Variants in ARID5A observed in about 807,000 individuals in gnomAD.
The protein encoded by ARID5A is AT-rich interaction domain 5A.
Under a neutral mutation model 30.5 loss-of-function variants are expected in ARID5A, and 14 were observed. That is an observed-to-expected ratio of 0.46 (90% CI 0.30 to 0.72). ARID5A has a LOEUF of 0.72. Ranked by LOEUF, ARID5A falls within the 30% of genes least tolerant of loss-of-function variation. The pLI, the probability that ARID5A is intolerant of heterozygous loss-of-function variation, is 0.07. For missense variants in ARID5A, 669 were observed against 786.2 expected (o/e 0.85, Z 1.78); for synonymous variants, 338 against 340.4 (o/e 0.99, Z 0.08).
At chr2:96,551,013 G>C in intron 6 of ARID5A, 86 bp from the exon 7 acceptor site, 1 of 1,452,258 alleles carries the variant, frequency 6.9e-7, no homozygotes, top group East Asian at 2.3e-5. Context: ...GGGGGACCTG[G>C]GCAGGCCTGA....
Position 96,549,507 on chromosome 2 carries a change from C to T in ARID5A, c.259+48C>T, listed in dbSNP as rs770746455. 1.1e-5 allele frequency: 18 copies of T among 1,594,824 alleles called. No individual in the cohort carries two copies. The highest frequency in any genetic ancestry group is 1.8e-4 in the Middle Eastern group (1 of 5,424). On this transcript the variant is annotated intron_variant, in intron 3 of 6. Coordinates refer to ENST00000357485, the MANE Select transcript of ARID5A (RefSeq NM_212481.3). The surrounding 1 kb of genome is among the most constrained non-coding windows in gnomAD (Gnocchi z 6.1). ...GGGAGGGGGGCCCAGCAGGGGACCC[C>T]GCCCAGGCAGGGCATCGGGCAGGCA...
At position 96,550,375 on chromosome 2, in the gene ARID5A, G is replaced by C. The variant is rs894464686; in HGVS notation, c.410+90G>C. ...GGGAGGGCCGGGTGGACTCTGCCCG[G>C]AGCGGGCAGGGTATGCGCCGTCCTC... On this transcript the variant is annotated intron_variant, in intron 5 of 6. Coordinates refer to ENST00000357485, the MANE Select transcript of ARID5A (RefSeq NM_212481.3). This position sits in a 1 kb window ranked among gnomAD's most constrained non-coding sequence, Gnocchi z 6.6. The C allele has an allele frequency of 7.0e-6, 10 of 1,427,418 alleles. No homozygotes were observed. The South Asian group carries it at 1.1e-4, about 15-fold the overall frequency. 88.4% of individuals were successfully genotyped at this position (1,427,418 alleles called of 1,614,324 possible).
chr2:96,550,430 G>A lies in ARID5A; in HGVS notation c.411-144G>A, dbSNP rs113371580. ...CTGCGGGAGCCCAGGCTGGCTGGGC[G>A]CACTCACTGAGGGAGCTGAAGCTTT... On this transcript the variant is annotated intron_variant, in intron 5 of 6. Coordinates refer to ENST00000357485, the MANE Select transcript of ARID5A (RefSeq NM_212481.3). This position sits in a 1 kb window ranked among gnomAD's most constrained non-coding sequence, Gnocchi z 6.6. 52 of 1,417,092 alleles carry A rather than the reference G, an allele frequency of 3.7e-5. No homozygotes were observed. Among genetic ancestry groups the A allele is most frequent in the Non-Finnish European group, 4.7e-5 (51 of 1,082,292 alleles). The allele number at this position is 1,417,092 out of a possible 1,614,324, so 87.8% of individuals were successfully genotyped here.
At chr2:96,536,928 C>A in intron 1 of ARID5A, 98 bp downstream of exon 1, 2 of 1,211,192 alleles carry the variant, frequency 1.7e-6, no homozygotes, top group South Asian at 8.4e-5. Context: ...TCGTGGCAGT[C>A]GGTGCGCTGT....
chr2:96,543,647 A>G (rs2065881263), intron 1 of ARID5A, among the ~76,000 whole-genome samples: 1 of 152,040 alleles, frequency 6.6e-6, no homozygotes, highest in African/African-American at 2.4e-5. Flanking sequence ...CACCTGCTCC[A>G]TCGACCAGCA....
At position 96,552,282 on chromosome 2, in the gene ARID5A, C is replaced by T. The variant is rs774003094; in HGVS notation, c.1754C>T (p.Pro585Leu). ...CCACCAGTCACAACCTATGCAGCGC[C>T]CCACTTCTTCCACCTCAACACCAAG... ...HAPPVTTYAA[P>L]HFFHLNTKL is the part of the protein sequence containing the mutation. The change falls in exon 7 of 7, where the codon CCC becomes CTC. Residue 585 changes from proline (P) to leucine (L), a missense_variant. By Grantham distance (98) the Pro-to-Leu change is moderately conservative (BLOSUM62 -3). Transcript: ENST00000357485. 8.7e-6 allele frequency: 14 copies of T among 1,613,030 alleles called. No homozygotes were observed. The highest frequency in any genetic ancestry group is 1.3e-5 in the African/African-American group (1 of 74,944).
At chr2:96,548,336 G>A (rs1360934620) in intron 2 of ARID5A, among the ~76,000 whole-genome samples, 1 of 152,064 alleles carries the variant, frequency 6.6e-6, no homozygotes, top group African/African-American at 2.4e-5. Flanking sequence ...CACAATCTTG[G>A]CTCACTGCAA....
chr2:96,546,990 C>T (rs2065939696), intron 1 of ARID5A, among the ~76,000 whole-genome samples: 1 of 152,020 alleles, frequency 6.6e-6, no homozygotes, highest in African/African-American at 2.4e-5. Context: ...GGTGGTTTTG[C>T]GTTTCCTTCA....
At chr2:96,546,813 A>C (rs1450778146) in intron 1 of ARID5A, among the ~76,000 whole-genome samples, 1 of 151,450 alleles carries the variant, frequency 6.6e-6, no homozygotes, top group East Asian at 1.9e-4. Flanking sequence ...AGGAACTACT[A>C]CCCAGGGACC....
At chr2:96,543,693 C>T (rs1167629846) in intron 1 of ARID5A, among the ~76,000 whole-genome samples, 1 of 152,114 alleles carries the variant, frequency 6.6e-6, no homozygotes, top group Admixed American at 6.5e-5. Flanking sequence ...TCTTCTTTGG[C>T]CTCCCTGTTG....
rs2066074454 is a variant in ARID5A, at chr2:96,552,469, G to A, written c.*156G>A. 6 of 1,540,310 alleles carry A rather than the reference G, an allele frequency of 3.9e-6. No homozygotes were observed. Among genetic ancestry groups the A allele is most frequent in the Non-Finnish European group, 5.2e-6 (6 of 1,147,244 alleles). ...GGCACAAGTGAAGAAGAAGGCAGTG[G>A]GAAAACTGGGTTTATCTCAAGGCAG... On this transcript the variant is annotated 3_prime_UTR_variant, in exon 7 of 7. Transcript: ENST00000357485.
chr2:96,547,369 C>T, intron 1 of ARID5A, 33 bp from the exon 2 acceptor site: 2 of 1,588,610 alleles, frequency 1.3e-6, no homozygotes, highest in East Asian at 2.2e-5. Context: ...CTCCCCACCC[C>T]TTCCTCCTTA....
Position 96,551,745 on chromosome 2 carries a change from A to G in ARID5A, c.1217A>G (p.Lys406Arg). ...GCGTTCCATAAAGGTGGCTCCAGAA[A>G]GGGCATCCTCTACCCCAAGCCCAAA... ...PSAFHKGGSR[K>R]GILYPKPKAC... The change falls in exon 7 of 7, where the codon AAG (lysine) becomes AGG (arginine). Residue 406 changes from lysine to arginine, a missense_variant. Physicochemically the swap from Lys to Arg is conservative, Grantham distance 26 (BLOSUM62 2). Transcript: ENST00000357485. 1 of 1,520,004 alleles carries G rather than the reference A, an allele frequency of 6.6e-7. No homozygotes were observed. The highest frequency in any genetic ancestry group is 1.3e-5 in the South Asian group (1 of 75,862). 94.2% of individuals were successfully genotyped at this position (1,520,004 alleles called of 1,614,324 possible). A position where few individuals can be genotyped will look rare whatever the true frequency, so the allele number is the denominator to read the frequency against.
rs552581590 is a variant in ARID5A at position 96,537,144 on chromosome 2, T to G, written c.4+314T>G. Among the ~76,000 whole-genome samples, 6 of 152,300 alleles carry G rather than the reference T, an allele frequency of 3.9e-5. No homozygotes were observed. The East Asian group carries it at 1.2e-3, about 29-fold the overall frequency. ...GAAACTCTTTTCGCCGTCTCTTGCC[T>G]GAAATATGCCGAGCCCGGTACGGCT... On this transcript the variant is annotated intron_variant, in intron 1 of 6. Transcript: ENST00000357485. This position sits in a 1 kb window ranked among gnomAD's most constrained non-coding sequence, Gnocchi z 4.8.
intron 1 of ARID5A, among the ~76,000 whole-genome samples, chr2:96,546,422 C>T (rs757686258): frequency 5.3e-4 from 81 of 152,242 alleles, no homozygotes; most frequent in Non-Finnish European, 9.4e-4. Flanking sequence ...AGAGGTGTTG[C>T]GTTTTTGCAA....
At chr2:96,545,274 A>G (rs2065909657) in intron 1 of ARID5A, among the ~76,000 whole-genome samples, 1 of 149,448 alleles carries the variant, frequency 6.7e-6, no homozygotes, top group Non-Finnish European at 1.5e-5. Context: ...CTCCTGCCTC[A>G]GCCTCCTGAG....
Position 96,549,749 on chromosome 2 carries a change from C to T in ARID5A, c.260-4C>T, listed in dbSNP as rs767870052. ...GACGGCCAGCCTGCTCTTCTCTCCC[C>T]CAGTTAACCTGTGGAAGATCTACAA... On this transcript the variant is annotated splice_region_variant and splice_polypyrimidine_tract_variant and intron_variant, in intron 3 of 6. Coordinates refer to ENST00000357485, the MANE Select transcript of ARID5A (RefSeq NM_212481.3). The surrounding 1 kb of genome is among the most constrained non-coding windows in gnomAD (Gnocchi z 6.1). 5 of 1,613,938 alleles carry T rather than the reference C, an allele frequency of 3.1e-6. No individual in the cohort carries two copies. The African/African-American group carries it at 4.0e-5, about 13-fold the overall frequency.
chr2:96,550,671 A>G lies in ARID5A; in HGVS notation c.508A>G (p.Arg170Gly). Reference sequence around the variant, plus strand: ...ACAGTACAAGATGGCTAAGGAGAACAGGGGGGATGATGGGGCCACCGAGAG... The same window carrying G: ...ACAGTACAAGATGGCTAAGGAGAACGGGGGGGATGATGGGGCCACCGAGAG... ...RKQYKMAKEN[R>G]GDDGATERPK... is the part of the protein sequence containing the mutation. Residue 170 changes from arginine to glycine, a missense_variant, in exon 6 of 7, where the codon AGG becomes GGG. This residue lies in a region of ARID5A where 548 missense variants were observed against 577.4 expected (regional missense o/e 0.95). Transcript: ENST00000357485. The surrounding 1 kb of genome is among the most constrained non-coding windows in gnomAD (Gnocchi z 6.6). 2 of 1,597,944 alleles carry G rather than the reference A, an allele frequency of 1.3e-6. No individual in the cohort carries two copies. The highest frequency in any genetic ancestry group is 1.7e-6 in the Non-Finnish European group (2 of 1,173,380).
In ARID5A at chr2:96,551,534, G is replaced by T; in HGVS notation, c.1006G>T (p.Ala336Ser). The T allele has an allele frequency of 6.2e-7, 1 of 1,604,590 alleles. No homozygotes were observed. Among genetic ancestry groups the T allele is most frequent in the South Asian group, 1.1e-5 (1 of 89,850 alleles). The change falls in exon 7 of 7, where the codon GCA (alanine) becomes TCA (serine). Residue 336 changes from alanine to serine, a missense_variant. Physicochemically the swap from Ala to Ser is moderately conservative, Grantham distance 99. This residue lies in a region of ARID5A where 548 missense variants were observed against 577.4 expected (regional missense o/e 0.95). Transcript: ENST00000357485. ...REEAQAGPCP[A>S]APIFKGCFYT... The stretch of plus-strand genomic sequence containing the variant: ...GGAGGCGCAGGCAGGCCCCTGCCCG[G>T]CAGCCCCCATCTTCAAGGGCTGCTT...
Sources: allele counts gnomAD v4.1 joint callset (sites outside exome capture counted in the v4.1 genomes callset), GRCh38; gene constraint gnomAD v4.1.1; regional missense constraint gnomAD v4.1.1; non-coding constraint Gnocchi (gnomAD v3.1); transcripts MANE v1.5; gene names NCBI Gene and HGNC (gene_info 2026-07-23, HGNC 2026-07-21).